Variants in CADPS2 observed in about 807,000 individuals in gnomAD.
CADPS2 encodes calcium dependent secretion activator 2.
Under a neutral mutation model 172.5 loss-of-function variants are expected in CADPS2, and 93 were observed. That is an observed-to-expected ratio of 0.54 (90% CI 0.46 to 0.64). The LOEUF (loss-of-function observed/expected upper bound fraction) is 0.64, where lower values mean the gene tolerates loss of function less well. Ranked by LOEUF, CADPS2 falls within the 30% of genes least tolerant of loss-of-function variation. The pLI is 0.00. For missense variants in CADPS2, 1,420 were observed against 1,565.9 expected, an observed-to-expected ratio of 0.91 and a Z score of 1.57; for synonymous variants, 546 against 555.2, an observed-to-expected ratio of 0.98 and a Z score of 0.23.
At chr7:122,590,276 T>C (rs2070567052) in intron 6 of CADPS2, among the ~76,000 whole-genome samples, 1 of 151,862 alleles carries the variant, frequency 6.6e-6, no homozygotes, top group Non-Finnish European at 1.5e-5. Context: ...AAGACAGATA[T>C]ACAAACCAAT....
chr7:122,379,364 T>C lies in CADPS2; in HGVS notation c.3387+4A>G, dbSNP rs747718093. 4 of 1,566,916 alleles carry C rather than the reference T, an allele frequency of 2.6e-6. No homozygotes were observed. In the African/African-American group the frequency reaches 4.1e-5, roughly 16 times the overall value. The stretch of plus-strand genomic sequence containing the variant: ...TTTAAAAAGGTGAATAAATAATACA[T>C]TACCTTTGAAACTAACAGTGAAATG... On this transcript the variant is annotated splice_donor_region_variant and intron_variant, in intron 25 of 29. Coordinates refer to ENST00000449022, the MANE Select transcript of CADPS2 (RefSeq NM_017954.11).
At chr7:122,697,952 T>C (rs2085379883) in intron 2 of CADPS2, 5 of 1,613,820 alleles carry the variant, frequency 3.1e-6, no homozygotes, top group African/African-American at 2.7e-5. Context: ...GGCAGTTCAT[T>C]TGACATTAGA....
chr7:122,560,814 C>G (rs2065659432), intron 7 of CADPS2, among the ~76,000 whole-genome samples: 1 of 152,088 alleles, frequency 6.6e-6, no homozygotes, highest in Non-Finnish European at 1.5e-5. Flanking sequence ...TTTCAAATAC[C>G]TTCTTGAGAG....
chr7:122,840,223 G>A (rs973537864), intron 1 of CADPS2, among the ~76,000 whole-genome samples: 2 of 152,092 alleles, frequency 1.3e-5, no homozygotes, highest in African/African-American at 2.4e-5. Context: ...GGTGGGAATT[G>A]AACAGTGAGA....
At chr7:122,333,804 A>G (rs1003826981) in intron 28 of CADPS2, among the ~76,000 whole-genome samples, 1 of 152,070 alleles carries the variant, frequency 6.6e-6, no homozygotes, top group African/African-American at 2.4e-5. Context: ...TGCTATCTCC[A>G]GCCCTTAGTA....
intron 2 of CADPS2, among the ~76,000 whole-genome samples, chr7:122,701,015 T>C (rs2085969757): frequency 6.6e-6 from 1 of 152,038 alleles, no homozygotes; most frequent in Non-Finnish European, 1.5e-5. Flanking sequence ...CCATGGAGAA[T>C]CAGAGATATA....
chr7:122,869,206 T>C (rs577180099), intron 1 of CADPS2, among the ~76,000 whole-genome samples: 2 of 152,174 alleles, frequency 1.3e-5, no homozygotes, highest in South Asian at 2.1e-4. Flanking sequence ...AAGAACCTCA[T>C]TGGACACCTA....
At chr7:122,882,617 C>CTTT (rs35781696) in intron 1 of CADPS2, among the ~76,000 whole-genome samples, 35 of 136,864 alleles carry the variant, frequency 2.6e-4, no homozygotes, top group African/African-American at 7.9e-4. Flanking sequence ...CCAAGGAACC[C>CTTT]TTTTTTTTTT....
intron 27 of CADPS2, among the ~76,000 whole-genome samples, chr7:122,358,142 C>T: frequency 6.6e-6 from 1 of 152,198 alleles, no homozygotes; most frequent in South Asian, 2.1e-4. Flanking sequence ...TTTGCTGTTG[C>T]CAGTTTGTTT....
intron 20 of CADPS2, among the ~76,000 whole-genome samples, chr7:122,396,631 C>T (rs1342599897): frequency 6.6e-6 from 1 of 152,126 alleles, no homozygotes; most frequent in Admixed American, 6.5e-5. Flanking sequence ...TCCTGTGATA[C>T]AGTCATAATG....
intron 8 of CADPS2, among the ~76,000 whole-genome samples, chr7:122,542,632 A>G (rs1045817243): frequency 6.6e-6 from 1 of 152,098 alleles, no homozygotes; most frequent in Admixed American, 6.6e-5. Context: ...CAACTGTAAC[A>G]TTACTTTCCT....
intron 1 of CADPS2, among the ~76,000 whole-genome samples, chr7:122,749,375 C>T (rs1214792568): frequency 1.3e-5 from 2 of 152,032 alleles, no homozygotes; most frequent in African/African-American, 4.8e-5. Flanking sequence ...AGAGAACAGC[C>T]ACTGGATAGG....
chr7:122,682,353 C>T (rs1014017414), intron 2 of CADPS2, among the ~76,000 whole-genome samples: 37 of 152,294 alleles, frequency 2.4e-4, no homozygotes, highest in African/African-American at 8.4e-4. Context: ...CAGCTTTCCA[C>T]GCCATATTTT....
intron 2 of CADPS2, among the ~76,000 whole-genome samples, chr7:122,699,496 G>A (rs184776593): frequency 1.3e-5 from 2 of 152,278 alleles, no homozygotes; most frequent in African/African-American, 4.8e-5. Context: ...GGCAAAAGTG[G>A]TGAGCTTAGT....
chr7:122,418,768 T>C (rs1392422805), intron 17 of CADPS2, among the ~76,000 whole-genome samples: 2 of 152,154 alleles, frequency 1.3e-5, no homozygotes, highest in Non-Finnish European at 2.9e-5. Flanking sequence ...AGAATGATGA[T>C]GTATGGTTGA....
At chr7:122,675,305 C>T (rs2082273291) in intron 2 of CADPS2, among the ~76,000 whole-genome samples, 1 of 152,166 alleles carries the variant, frequency 6.6e-6, no homozygotes, top group Admixed American at 6.5e-5. Flanking sequence ...CAAGAAGACA[C>T]ACTTTGGCTC....
chr7:122,347,366 GC>G (rs910858087), intron 27 of CADPS2, among the ~76,000 whole-genome samples: 106 of 152,182 alleles, frequency 7.0e-4, no homozygotes, highest in African/African-American at 2.5e-3. Flanking sequence ...TAGGCAGTGA[GC>G]ATGTCTTACT....
At chr7:122,812,265 T>G (rs1289937585) in intron 1 of CADPS2, among the ~76,000 whole-genome samples, 1 of 152,026 alleles carries the variant, frequency 6.6e-6, no homozygotes, top group Non-Finnish European at 1.5e-5. Flanking sequence ...TAAGTAGCAC[T>G]TATTCTGGTT....
chr7:122,831,942 G>T (rs559109899), intron 1 of CADPS2, among the ~76,000 whole-genome samples: 1 of 152,122 alleles, frequency 6.6e-6, no homozygotes, highest in Non-Finnish European at 1.5e-5. Context: ...GAGAAGAGTG[G>T]ATGCTGTCAT....
Sources: allele counts gnomAD v4.1 joint callset (sites outside exome capture counted in the v4.1 genomes callset), GRCh38; gene constraint gnomAD v4.1.1; transcripts MANE v1.5; gene names NCBI Gene and HGNC (gene_info 2026-07-23, HGNC 2026-07-21).